The following ART5 variants were observed in gnomAD, a reference collection of about 807,000 sequenced individuals.
ART5 encodes ecto-ADP-ribosyltransferase 5.
A neutral mutation model predicts 25.0 loss-of-function variants in ART5; 22 were observed. The observed-to-expected ratio is 0.88, with a 90% CI of 0.63 to 1.26. The LOEUF (loss-of-function observed/expected upper bound fraction) is 1.26. Ranked by LOEUF, ART5 falls within the 50% of genes most tolerant of loss-of-function variation. The pLI is 0.00. For missense variants in ART5, 402 were observed against 372.8 expected (o/e 1.08, Z -0.64); for synonymous variants, 161 against 154.8 (o/e 1.04, Z -0.30).
upstream of ART5, chr11:3,642,195 C>A (rs753692941): frequency 1.2e-3 from 1,381 of 1,164,042 alleles, 1 homozygote; most frequent in Non-Finnish European, 1.4e-3. Flanking sequence ...CTGCGGAAGC[C>A]GCCAGCGGGA....
rs753495222 is a variant in ART5, at chr11:3,639,038, G to A, written c.788-3C>T. 1 of 1,551,826 alleles carries A rather than the reference G, an allele frequency of 6.4e-7. No homozygotes were observed. The highest frequency in any genetic ancestry group is 8.7e-7 in the Non-Finnish European group (1 of 1,147,834). On this transcript the variant is annotated splice_polypyrimidine_tract_variant and splice_region_variant and intron_variant, in intron 2 of 3. Transcript: ENST00000397068. ...CACACAGCCCCGCCTCTTCTCCCCT[G>A]CAACAGACAGCAGGGTGAGGCCTCC... is the stretch of plus-strand genomic sequence containing the variant.
chr11:3,642,044 G>T, upstream of ART5: 1 of 1,412,314 alleles, frequency 7.1e-7, no homozygotes, highest in Non-Finnish European at 9.3e-7. Context: ...CCCGCCCCCC[G>T]CCCCAAGTCT....
Position 3,638,891 on chromosome 11 carries a change from C to T in ART5, c.821-98G>A, listed in dbSNP as rs2271588. On this transcript the variant is annotated intron_variant, in intron 3 of 3. Transcript: ENST00000397068. Reference sequence around the variant, plus strand: ...TCTTCCAGGGGGGCAGAGAGGAGGCCCCCTCAGATTGTGACCCTAGCTGCA... The same window carrying T: ...TCTTCCAGGGGGGCAGAGAGGAGGCTCCCTCAGATTGTGACCCTAGCTGCA... The T allele has an allele frequency of 1.3e-3, 2,065 of 1,610,048 alleles. 17 individuals carry two copies. The highest frequency in any genetic ancestry group is 0.012 in the African/African-American group (903 of 74,926).
At chr11:3,641,581 C>T (rs937301176) in intron 1 of ART5, among the ~76,000 whole-genome samples, 5 of 152,162 alleles carry the variant, frequency 3.3e-5, no homozygotes, top group Admixed American at 2.6e-4. Context: ...GGGAGGAGAA[C>T]GTTGGAGGCA....
upstream of ART5, chr11:3,642,016 G>A (rs1343368499): frequency 6.9e-7 from 1 of 1,441,854 alleles, no homozygotes; most frequent in East Asian, 2.5e-5. Flanking sequence ...GGCGTGGGCG[G>A]GGCCTGGGAG....
rs772424596 is a variant in ART5, at chr11:3,640,067, C to T, written c.362G>A (p.Arg121Gln). The change falls in exon 2 of 4, where the codon CGG becomes CAG. Residue 121 changes from arginine (R) to glutamine (Q), a missense_variant. Transcript: ENST00000397068. ...NQAVRTGGGS[R>Q]ELYMRHFPFK... ...GGGAAAGTGCCTCATGTAGAGCTCC[C>T]GGGAGCCTCCGCCCGTCCGCACGGC... 6.3e-5 allele frequency: 101 copies of T among 1,614,012 alleles called. 1 individual carries two copies. The highest frequency in any genetic ancestry group is 7.7e-5 in the South Asian group (7 of 91,086).
chr11:3,641,735 C>G, intron 1 of ART5, 71 bp downstream of exon 1: 8 of 1,545,372 alleles, frequency 5.2e-6, no homozygotes, highest in Non-Finnish European at 7.0e-6. Context: ...AGGAGTCAGC[C>G]CCGGGTCCAC....
chr11:3,639,619 T>C (rs1382510391), intron 2 of ART5, 23 bp downstream of exon 2: 1 of 1,585,082 alleles, frequency 6.3e-7, no homozygotes, highest in Admixed American at 1.8e-5. Flanking sequence ...CTGCCAGTCC[T>C]GCTTCCCCCA....
At chr11:3,640,470 T>A in intron 1 of ART5, 99 bp from the exon 2 acceptor site, 1 of 1,400,940 alleles carries the variant, frequency 7.1e-7, no homozygotes, top group East Asian at 2.4e-5. Context: ...AGAATCTCAT[T>A]TCTATCCCTA....
upstream of ART5, chr11:3,642,254 C>T (rs549793258): frequency 2.9e-5 from 31 of 1,065,098 alleles, no homozygotes; most frequent in African/African-American, 3.4e-5. Context: ...CGGAGGAGTC[C>T]GGAGTCCGGC....
intron 1 of ART5, among the ~76,000 whole-genome samples, chr11:3,640,803 A>G (rs1020361208): frequency 2.0e-5 from 3 of 152,338 alleles, no homozygotes; most frequent in Admixed American, 6.5e-5. Flanking sequence ...GTACAATGGC[A>G]CGATCTTGGC....
intron 1 of ART5, 91 bp from the exon 2 acceptor site, chr11:3,640,462 A>AATCTCAT: frequency 7.0e-7 from 1 of 1,429,412 alleles, no homozygotes. Context: ...AGAAACACAG[A>AATCTCAT]ATCTCATTTC....
upstream of ART5, chr11:3,642,321 C>T (rs2077418402): frequency 1.0e-6 from 1 of 1,000,224 alleles, no homozygotes; most frequent in South Asian, 4.5e-5. Context: ...CCCGACACCC[C>T]TTTCCCAGCG....
At chr11:3,641,679 A>T (rs2077400260) in intron 1 of ART5, 127 bp downstream of exon 1, 2 of 1,475,578 alleles carry the variant, frequency 1.4e-6, no homozygotes, top group Non-Finnish European at 1.8e-6. Flanking sequence ...AGAGGAAGAG[A>T]GTTAAGAGTG....
upstream of ART5, chr11:3,642,139 C>T (rs954185221): frequency 3.1e-6 from 4 of 1,311,046 alleles, no homozygotes; most frequent in African/African-American, 1.5e-5. Flanking sequence ...CGCAGTTTGG[C>T]TCCGCCTGAG....
chr11:3,638,910 A>T, intron 3 of ART5, 93 bp downstream of exon 3: 1 of 1,601,712 alleles, frequency 6.2e-7, no homozygotes, highest in Non-Finnish European at 8.5e-7. Flanking sequence ...TTGTGACCCT[A>T]GCTGCACCCC....
chr11:3,642,270 G>A, upstream of ART5: 2 of 1,047,262 alleles, frequency 1.9e-6, no homozygotes, highest in Non-Finnish European at 2.3e-6. Context: ...CCGGCTGAAA[G>A]CAAAGGTTCT....
chr11:3,639,756 G>T lies in ART5; in HGVS notation c.673C>A (p.Pro225Thr), dbSNP rs754230688. The change falls in exon 2 of 4, where the codon CCC becomes ACC. Residue 225 changes from proline (P) to threonine (T), a missense_variant. By Grantham distance (38) the Pro-to-Thr change is conservative (BLOSUM62 -1). Coordinates refer to ENST00000397068, the MANE Select transcript of ART5 (RefSeq NM_053017.5). Reference sequence around the variant, plus strand: ...GTAACCAAAAAGACTTCATGGGGGGGAATCAGCACCTCGCGCTCCTTGGGA... The same window carrying T: ...GTAACCAAAAAGACTTCATGGGGGGTAATCAGCACCTCGCGCTCCTTGGGA... The part of the protein sequence containing the change: ...VFPKEREVLI[P>T]PHEVFLVTRF... 2 of 1,614,150 alleles carry T rather than the reference G, an allele frequency of 1.2e-6. No individual in the cohort carries two copies. The highest frequency in any genetic ancestry group is 1.3e-5 in the African/African-American group (1 of 75,020).
chr11:3,640,556 T>G (rs925211626), intron 1 of ART5, among the ~76,000 whole-genome samples, 185 bp from the exon 2 acceptor site: 1 of 139,776 alleles, frequency 7.2e-6, no homozygotes, highest in South Asian at 2.3e-4. Flanking sequence ...CAGTCAGACA[T>G]GGACTGAAAT....
Sources: gnomAD v4.1 joint callset for allele counts (sites outside exome capture counted in the v4.1 genomes callset) on GRCh38, gnomAD v4.1.1 for gene constraint, MANE v1.5 for transcripts, NCBI Gene and HGNC (gene_info 2026-07-23, HGNC 2026-07-21) for gene names.